AGBL1: variants seen among roughly 807,000 people sequenced by gnomAD.
AGBL1 encodes the protein cytosolic carboxypeptidase 4.
In AGBL1, 130 loss-of-function variants were observed where a neutral mutation model predicts 118.9. The observed-to-expected ratio is 1.09, with a 90% CI of 0.95 to 1.26. The LOEUF is 1.26. Ranked by LOEUF, AGBL1 falls within the 50% of genes most tolerant of loss-of-function variation. The pLI, the probability that AGBL1 is intolerant of heterozygous loss-of-function variation, is 0.00. For missense variants in AGBL1, 1,584 were observed against 1,298.1 expected, an observed-to-expected ratio of 1.22 and a Z score of -3.38; for synonymous variants, 555 against 478.9, an observed-to-expected ratio of 1.16 and a Z score of -2.08.
chr15:86,113,714 A>G (rs1897579424), intron 1 of AGBL1, among the ~76,000 whole-genome samples: 1 of 152,172 alleles, frequency 6.6e-6, no homozygotes, highest in Non-Finnish European at 1.5e-5. Flanking sequence ...GCCATGCCAC[A>G]CCTAACATAG....
At chr15:86,455,363 C>G (rs1490167908) in intron 18 of AGBL1, among the ~76,000 whole-genome samples, 1 of 152,044 alleles carries the variant, frequency 6.6e-6, no homozygotes, top group Non-Finnish European at 1.5e-5. Flanking sequence ...TCCAAAGTCT[C>G]TAAGAGTTTT....
At chr15:86,114,962 T>C (rs2141557099) in intron 1 of AGBL1, among the ~76,000 whole-genome samples, 1 of 152,312 alleles carries the variant, frequency 6.6e-6, no homozygotes, top group South Asian at 2.1e-4. Flanking sequence ...AACTTCATGA[T>C]AGGCTCTCAT....
intron 1 of AGBL1, among the ~76,000 whole-genome samples, chr15:86,116,206 A>ACAAC (rs1274195257): frequency 6.6e-6 from 1 of 152,246 alleles, no homozygotes; most frequent in Non-Finnish European, 1.5e-5. Context: ...ACAGCAAAAC[A>ACAAC]CAACCAACCA....
intron 17 of AGBL1, among the ~76,000 whole-genome samples, chr15:86,384,105 G>A (rs1296926154): frequency 2.0e-5 from 3 of 152,134 alleles, no homozygotes; most frequent in Admixed American, 6.5e-5. Context: ...GCTGTACCGC[G>A]TGGGCTCCAT....
intron 3 of AGBL1, among the ~76,000 whole-genome samples, chr15:86,148,741 G>A (rs1015557659): frequency 6.6e-6 from 1 of 152,142 alleles, no homozygotes; most frequent in African/African-American, 2.4e-5. Flanking sequence ...AACCTAGCAA[G>A]GCAGGCCAAC....
chr15:86,183,635 A>G (rs2077583656), intron 5 of AGBL1, among the ~76,000 whole-genome samples: 1 of 152,226 alleles, frequency 6.6e-6, no homozygotes, highest in Non-Finnish European at 1.5e-5. Flanking sequence ...TAAAGAGGAA[A>G]GAGCCAGCCT....
chr15:86,694,494 G>C (rs1158050914), intron 22 of AGBL1, among the ~76,000 whole-genome samples: 2 of 152,030 alleles, frequency 1.3e-5, no homozygotes, highest in African/African-American at 4.8e-5. Flanking sequence ...GGAGCTTTTT[G>C]ATGGAGTCTT....
At chr15:86,691,577 C>T (rs1282454366) in intron 22 of AGBL1, among the ~76,000 whole-genome samples, 1 of 151,906 alleles carries the variant, frequency 6.6e-6, no homozygotes, top group Non-Finnish European at 1.5e-5. Flanking sequence ...AGGGAAAATG[C>T]CAGGAACAAG....
rs150965394 is a variant in AGBL1, at chr15:86,785,293, C to T, written c.3158+110857C>T. 5.4e-3 allele frequency among the ~76,000 whole-genome samples: 818 copies of T among 150,760 alleles called. 3 individuals are homozygous for T. The highest frequency in any genetic ancestry group is 6.8e-3 in the Non-Finnish European group (463 of 67,848). On this transcript the variant is annotated intron_variant, in intron 22 of 22. Coordinates refer to ENST00000614907, the MANE Select transcript of AGBL1 (RefSeq NM_001386094.1). The stretch of plus-strand genomic sequence containing the variant: ...TCAGTGTTTGGAAAATCTGGCTGAC[C>T]GTCGGAATCCTTTAGGACTTTTTCT...
In AGBL1 at chr15:86,522,907, T is replaced by A. The variant is rs763368961; in HGVS notation, c.2653T>A (p.Tyr885Asn). The change falls in exon 19 of 23, where the codon TAC (tyrosine) becomes AAC (asparagine). Residue 885 changes from tyrosine (Y) to asparagine (N), a missense_variant. By Grantham distance (143) the Tyr-to-Asn change is moderately radical. Transcript: ENST00000614907. ...CATTTACCATGCCAAAGGCCTCCTC[T>A]ACCACCTGAGCAGCATTGGCCGAAG... ...PTIYHAKGLL[Y>N]HLSSIGRSPV... The A allele has an allele frequency of 1.4e-5, 23 of 1,613,886 alleles. No individual in the cohort carries two copies. Among genetic ancestry groups the A allele is most frequent in the Non-Finnish European group, 1.9e-5 (23 of 1,179,860 alleles).
intron 23 of AGBL1, among the ~76,000 whole-genome samples, chr15:86,963,403 T>C (rs2081013995): frequency 6.6e-6 from 1 of 152,048 alleles, no homozygotes; most frequent in African/African-American, 2.4e-5. Context: ...GTTAATTATA[T>C]CATTTCAAAA....
At chr15:86,361,600 ATGT>A (rs2080806432) in intron 17 of AGBL1, among the ~76,000 whole-genome samples, 1 of 152,008 alleles carries the variant, frequency 6.6e-6, no homozygotes, top group Non-Finnish European at 1.5e-5. Flanking sequence ...AGATCTGTCA[ATGT>A]TCACTTTATA....
intron 17 of AGBL1, among the ~76,000 whole-genome samples, chr15:86,393,156 G>T (rs533292751): frequency 6.6e-6 from 1 of 152,232 alleles, no homozygotes; most frequent in South Asian, 2.1e-4. Flanking sequence ...GCTTCTTCAG[G>T]ATACTAGAAC....
At chr15:86,779,364 T>C (rs1861870542) in intron 22 of AGBL1, among the ~76,000 whole-genome samples, 1 of 152,224 alleles carries the variant, frequency 6.6e-6, no homozygotes, top group Admixed American at 6.5e-5. Flanking sequence ...ATCAAGTTTA[T>C]AGCATTTGGT....
At chr15:86,216,178 C>T (rs8023351) in intron 5 of AGBL1, among the ~76,000 whole-genome samples, 47,699 of 151,990 alleles carry the variant, frequency 0.31, 7,674 homozygotes, top group South Asian at 0.42. Flanking sequence ...CCCAAGATCA[C>T]GCCATCTGCA....
intron 19 of AGBL1, among the ~76,000 whole-genome samples, chr15:86,545,573 C>A (rs2083568671): frequency 6.6e-6 from 1 of 152,080 alleles, no homozygotes; most frequent in Admixed American, 6.6e-5. Context: ...CTCTGAAATG[C>A]CCCAGCGTGT....
At chr15:86,144,739 A>C (rs2077010016) in intron 3 of AGBL1, among the ~76,000 whole-genome samples, 1 of 152,218 alleles carries the variant, frequency 6.6e-6, no homozygotes, top group African/African-American at 2.4e-5. Flanking sequence ...GGATGCTGAA[A>C]TAATCTGTAC....
intron 5 of AGBL1, among the ~76,000 whole-genome samples, chr15:86,204,912 G>T (rs1184739305): frequency 6.6e-6 from 1 of 152,032 alleles, no homozygotes. Flanking sequence ...ATCTACATTG[G>T]CACTTCATTG....
At chr15:86,632,300 C>T (rs947086000) in intron 21 of AGBL1, among the ~76,000 whole-genome samples, 14 of 132,944 alleles carry the variant, frequency 1.1e-4, no homozygotes, top group African/African-American at 2.3e-4. Context: ...AAAGGCTGGC[C>T]AGGTGCAGTG....
Sources: gnomAD v4.1 joint callset for allele counts (sites outside exome capture counted in the v4.1 genomes callset) on GRCh38, gnomAD v4.1.1 for gene constraint, MANE v1.5 for transcripts, NCBI Gene and HGNC (gene_info 2026-07-23, HGNC 2026-07-21) for gene names.